Variants in DNAH14 observed in about 807,000 individuals in gnomAD.
DNAH14 encodes the protein axonemal beta dynein heavy chain 14.
DNAH14 carries 478 observed loss-of-function variants against 520.9 expected under a neutral mutation model. The observed-to-expected ratio is 0.92, with a 90% CI of 0.85 to 0.99. The LOEUF is 0.99. Among genes scored for constraint, DNAH14 ranks in the 50% least tolerant of loss-of-function variants. The pLI is 0.00. For missense variants in DNAH14, 4,831 were observed against 5,234.5 expected (o/e 0.92, Z 2.38); for synonymous variants, 1,581 against 1,757.2 (o/e 0.90, Z 2.51).
chr1:224,957,060 T>C (rs2060565125), intron 3 of DNAH14, among the ~76,000 whole-genome samples: 2 of 152,100 alleles, frequency 1.3e-5, no homozygotes, highest in Admixed American at 6.6e-5. Context: ...GATTTCTGTT[T>C]TGTAAAGATC....
Position 225,240,727 on chromosome 1 carries a change from C to T in DNAH14, c.6653C>T (p.Pro2218Leu). ...NREDEHRENI[P>L]FCPSLEPDSL... ...GAAGATGAACACAGAGAAAATATAC[C>T]ATTTTGTCCCAGTCTTGAACCTGAT... The change falls in exon 43 of 86, where the codon CCA (proline) becomes CTA (leucine). Residue 2218 changes from proline to leucine, a missense_variant. Transcript: ENST00000682510. 3 of 1,550,468 alleles carry T rather than the reference C, an allele frequency of 1.9e-6. No individual in the cohort carries two copies. Among genetic ancestry groups the T allele is most frequent in the South Asian group, 1.2e-5 (1 of 83,962 alleles).
chr1:225,245,151 G>C (rs889302627), intron 43 of DNAH14, among the ~76,000 whole-genome samples: 2 of 152,128 alleles, frequency 1.3e-5, no homozygotes, highest in East Asian at 1.9e-4. Context: ...ATGTAGTTTT[G>C]TGGTTTTGAG....
intron 4 of DNAH14, among the ~76,000 whole-genome samples, chr1:224,964,147 T>C (rs1225515989): frequency 2.0e-5 from 3 of 152,152 alleles, no homozygotes; most frequent in Non-Finnish European, 4.4e-5. Flanking sequence ...TCCCTACTTT[T>C]CTGATCCAAC....
In DNAH14 at chr1:225,272,092, T is replaced by C. The variant is rs763336965; in HGVS notation, c.7839+19T>C. On this transcript the variant is annotated intron_variant, in intron 51 of 85. Coordinates refer to ENST00000682510, the MANE Select transcript of DNAH14 (RefSeq NM_001367479.1). ...GTTTAAGGTTTGTTTTAATGTTCAT[T>C]CTCTAGTTTATTTTTTAAATATAAG... The C allele has an allele frequency of 1.7e-5, 26 of 1,535,630 alleles. No individual in the cohort carries two copies. The highest frequency in any genetic ancestry group is 2.2e-5 in the Non-Finnish European group (25 of 1,139,346).
intron 36 of DNAH14, among the ~76,000 whole-genome samples, chr1:225,174,075 C>A (rs2083034727): frequency 6.6e-6 from 1 of 151,754 alleles, no homozygotes; most frequent in Non-Finnish European, 1.5e-5. Context: ...AACACATGGA[C>A]ACAGGAAGGG....
chr1:225,072,156 C>T (rs183876888), intron 17 of DNAH14, among the ~76,000 whole-genome samples: 137 of 152,312 alleles, frequency 9.0e-4, no homozygotes, highest in Admixed American at 3.1e-3. Context: ...GCTCCATTCT[C>T]TCCATCTCTT....
chr1:225,233,260 G>T (rs942182923), intron 42 of DNAH14, among the ~76,000 whole-genome samples: 3 of 152,118 alleles, frequency 2.0e-5, no homozygotes, highest in Non-Finnish European at 4.4e-5. Flanking sequence ...TTGTGCTGCA[G>T]TGAACATATG....
At chr1:225,368,700 T>A (rs900716457) in intron 77 of DNAH14, among the ~76,000 whole-genome samples, 11 of 149,688 alleles carry the variant, frequency 7.3e-5, no homozygotes, top group African/African-American at 2.7e-4. Flanking sequence ...TACAACAATT[T>A]AAAAAAAAAA....
chr1:225,057,957 T>C (rs1195961577), intron 17 of DNAH14, among the ~76,000 whole-genome samples: 3 of 152,162 alleles, frequency 2.0e-5, no homozygotes, highest in South Asian at 4.1e-4. Flanking sequence ...ATTTTTGCAT[T>C]GATGTTCATC....
At chr1:225,009,366 T>G (rs1558667935) in intron 10 of DNAH14, among the ~76,000 whole-genome samples, 3 of 152,222 alleles carry the variant, frequency 2.0e-5, no homozygotes, top group Admixed American at 6.5e-5. Context: ...TAGGGAATCC[T>G]TTCCCCATTT....
At position 224,964,589 on chromosome 1, in the gene DNAH14, A is replaced by G. The variant is rs766572029; in HGVS notation, c.478A>G (p.Ile160Val). Residue 160 changes from isoleucine (I) to valine (V), a missense_variant, in exon 5 of 86, where the codon ATT becomes GTT. By Grantham distance (29) the Ile-to-Val change is conservative. Transcript: ENST00000682510. The stretch of plus-strand genomic sequence containing the variant: ...GAAATACGGAAGCTCCAAAATTGCA[A>G]TTCAGAAGATTACTTTAAAGGTATT... ...SLKYGSSKIA[I>V]QKITLKKPLE... 63 of 1,600,510 alleles carry G rather than the reference A, an allele frequency of 3.9e-5. No individual in the cohort carries two copies. The highest frequency in any genetic ancestry group is 5.3e-5 in the Non-Finnish European group (62 of 1,172,632).
intron 1 of DNAH14, among the ~76,000 whole-genome samples, chr1:224,933,043 A>G (rs1365645750): frequency 1.3e-5 from 2 of 150,480 alleles, no homozygotes; most frequent in African/African-American, 4.8e-5. Flanking sequence ...AAATGATATT[A>G]ATTCTTCCTA....
chr1:225,169,914 A>G (rs1029923659), intron 36 of DNAH14, among the ~76,000 whole-genome samples: 54 of 152,340 alleles, frequency 3.5e-4, no homozygotes, highest in African/African-American at 1.2e-3. Flanking sequence ...GACTAACAGC[A>G]GATCTCTTGG....
chr1:224,980,929 T>G (rs1421816769), intron 8 of DNAH14, among the ~76,000 whole-genome samples: 1 of 152,234 alleles, frequency 6.6e-6, no homozygotes, highest in Non-Finnish European at 1.5e-5. Context: ...CCATGGCACG[T>G]GTATACCTAT....
rs71170051 is a variant in DNAH14, at chr1:225,049,047, ATTTTTTTTTTTTTTTT to A, written c.1913-1148_1913-1133del. Among the ~76,000 whole-genome samples the A allele has an allele frequency of 8.9e-3, 502 of 56,330 alleles. 4 individuals are homozygous for A. Among genetic ancestry groups the A allele is most frequent in the African/African-American group, 0.039 (475 of 12,114 alleles). 37.0% of individuals were successfully genotyped at this position (56,330 alleles called of 152,430 possible). On this transcript the variant is annotated intron_variant, in intron 15 of 85. Transcript: ENST00000682510. ...AAATGTCTTTTTAGATCTCTTGCCT[ATTTTTTTTTTTTTTTT>A]TTTTTTTTTTTTTTGAGATGGAGTC...
intron 27 of DNAH14, among the ~76,000 whole-genome samples, chr1:225,139,321 A>C (rs1454564773): frequency 6.6e-6 from 1 of 152,234 alleles, no homozygotes; most frequent in Non-Finnish European, 1.5e-5. Flanking sequence ...TGGTCTTCCA[A>C]ACATGCTTAA....
chr1:225,187,947 G>A (rs1225495552), intron 37 of DNAH14, among the ~76,000 whole-genome samples: 2 of 151,694 alleles, frequency 1.3e-5, no homozygotes, highest in African/African-American at 4.8e-5. Flanking sequence ...CTTTTACATA[G>A]GGATATCCAG....
chr1:225,318,536 A>G (rs1327782855), intron 60 of DNAH14, 47 bp from the exon 61 acceptor site: 3 of 1,465,596 alleles, frequency 2.0e-6, no homozygotes, highest in East Asian at 2.5e-5. Context: ...TTAAATATGC[A>G]ACTATATTGA....
At chr1:225,135,036 T>C (rs1326307790) in intron 27 of DNAH14, among the ~76,000 whole-genome samples, 1 of 152,154 alleles carries the variant, frequency 6.6e-6, no homozygotes, top group African/African-American at 2.4e-5. Context: ...TCATTTCTTA[T>C]TGTGTTTATT....
Sources: allele counts gnomAD v4.1 joint callset (sites outside exome capture counted in the v4.1 genomes callset), GRCh38; gene constraint gnomAD v4.1.1; transcripts MANE v1.5; gene names NCBI Gene and HGNC (gene_info 2026-07-23, HGNC 2026-07-21).